SV2C: variants seen among roughly 807,000 people sequenced by gnomAD.
SV2C encodes synaptic vesicle glycoprotein 2C, also known as solute carrier family 22 member B3.
A neutral mutation model predicts 79.7 loss-of-function variants in SV2C; 49 were observed. The ratio of observed to expected loss-of-function variants is 0.61; its 90% CI spans 0.49 to 0.78. The LOEUF (loss-of-function observed/expected upper bound fraction) is 0.78. Ranked by LOEUF, SV2C falls within the 30% of genes least tolerant of loss-of-function variation. The pLI, the probability that SV2C is intolerant of heterozygous loss-of-function variation, is 0.00. For missense variants in SV2C, 833 were observed against 912.9 expected, an observed-to-expected ratio of 0.91 and a Z score of 1.13; for synonymous variants, 334 against 333.2, an observed-to-expected ratio of 1.00 and a Z score of -0.03.
intron 12 of SV2C, among the ~76,000 whole-genome samples, chr5:76,306,142 C>T (rs193106805): frequency 6.4e-4 from 97 of 152,274 alleles, no homozygotes; most frequent in African/African-American, 1.9e-3. Flanking sequence ...CAAACTCCTG[C>T]GCTCAAGTGA....
chr5:75,953,289 G>T, the SV2C span, among the ~76,000 whole-genome samples: 1 of 151,898 alleles, frequency 6.6e-6, no homozygotes, highest in Admixed American at 6.6e-5. Flanking sequence ...CTGCTTCCAT[G>T]ACCAAATACC....
intron 1 of SV2C, among the ~76,000 whole-genome samples, chr5:76,092,038 A>C (rs943356313): frequency 1.3e-5 from 2 of 152,200 alleles, no homozygotes; most frequent in Non-Finnish European, 2.9e-5. Context: ...AGATGTTGTT[A>C]GTTAAAAATA....
At chr5:76,198,804 A>G (rs2112335219) in intron 3 of SV2C, among the ~76,000 whole-genome samples, 1 of 152,158 alleles carries the variant, frequency 6.6e-6, no homozygotes, top group Admixed American at 6.5e-5. Flanking sequence ...TTTTTCTCCA[A>G]TTCCATTCCA....
chr5:76,074,772 A>C, the SV2C span, among the ~76,000 whole-genome samples: 88,644 of 152,082 alleles, frequency 0.58, 27,900 homozygotes, highest in African/African-American at 0.83. Flanking sequence ...TTGTTAAGAT[A>C]CTGAAGCCAT....
chr5:75,999,442 G>A, the SV2C span, among the ~76,000 whole-genome samples: 1 of 149,486 alleles, frequency 6.7e-6, no homozygotes. Context: ...CCACAGTTAT[G>A]GACACTGAGA....
intron 1 of SV2C, among the ~76,000 whole-genome samples, chr5:76,127,363 C>T (rs1748740661): frequency 1.3e-5 from 2 of 152,164 alleles, no homozygotes; most frequent in Non-Finnish European, 2.9e-5. Flanking sequence ...CAGAATAATG[C>T]CCGTGTGTAT....
chr5:75,971,222 T>C, the SV2C span, among the ~76,000 whole-genome samples: 1 of 152,122 alleles, frequency 6.6e-6, no homozygotes, highest in Non-Finnish European at 1.5e-5. Context: ...AATATCATAC[T>C]GAATGGACAA....
the SV2C span, among the ~76,000 whole-genome samples, chr5:76,034,094 A>AT: frequency 6.6e-6 from 1 of 151,864 alleles, no homozygotes; most frequent in Non-Finnish European, 1.5e-5. Context: ...TTGTACATTG[A>AT]TTTTGTATCC....
intron 2 of SV2C, among the ~76,000 whole-genome samples, chr5:76,167,550 C>T (rs1743080541): frequency 6.6e-6 from 1 of 152,216 alleles, no homozygotes; most frequent in Non-Finnish European, 1.5e-5. Context: ...ATAGGTTTTA[C>T]TGTGTGCCAG....
rs1473891021 is a variant in SV2C at position 76,195,054 on chromosome 5, A to T, written c.716A>T (p.Gln239Leu). Residue 239 changes from glutamine (Q) to leucine (L), a missense_variant, in exon 3 of 13, where the codon CAA becomes CTA. Physicochemically the swap from Gln to Leu is moderately radical, Grantham distance 113 (BLOSUM62 -2). Transcript: ENST00000502798. ...GFFAFLSSFVQGYGFFLFCRL... is the reference protein window; with the variant it reads ...GFFAFLSSFVLGYGFFLFCRL... Reference sequence around the variant, plus strand: ...TTTGCCTTCCTTTCTTCATTTGTCCAAGGTTATGGCTTCTTTCTCTTCTGT... The same window carrying T: ...TTTGCCTTCCTTTCTTCATTTGTCCTAGGTTATGGCTTCTTTCTCTTCTGT... 1 of 1,614,084 alleles carries T rather than the reference A, an allele frequency of 6.2e-7. No homozygotes were observed. The highest frequency in any genetic ancestry group is 8.5e-7 in the Non-Finnish European group (1 of 1,179,952).
chr5:76,089,768 T>C (rs1747310738), intron 1 of SV2C, among the ~76,000 whole-genome samples: 1 of 152,242 alleles, frequency 6.6e-6, no homozygotes, highest in South Asian at 2.1e-4. Flanking sequence ...TTTGCATTTC[T>C]CTAATGATCA....
chr5:75,989,707 A>G, the SV2C span, among the ~76,000 whole-genome samples: 2 of 152,080 alleles, frequency 1.3e-5, no homozygotes, highest in East Asian at 3.9e-4. Context: ...AGAAATTGCC[A>G]CACTGTCTTC....
rs138218550 is a variant in SV2C, at chr5:76,301,061, G to A, written c.1840+129G>A. 1.5e-3 allele frequency: 1,534 copies of A among 1,035,408 alleles called. 15 individuals carry two copies. The African/African-American group carries it at 0.017, about 11-fold the overall frequency. The allele number at this position is 1,035,408 out of a possible 1,614,324, so 64.1% of individuals were successfully genotyped here. A position where few individuals can be genotyped will look rare whatever the true frequency, so the allele number is the denominator to read the frequency against. ...GAGAAATCCTTTAGACCTTACGTTG[G>A]GACTAAATTATAGTGAAAATTATGT... On this transcript the variant is annotated intron_variant, in intron 11 of 12. Transcript: ENST00000502798.
chr5:76,048,842 G>C, the SV2C span, among the ~76,000 whole-genome samples: 1 of 145,998 alleles, frequency 6.8e-6, no homozygotes, highest in South Asian at 2.3e-4. Flanking sequence ...GGGCTGTTTA[G>C]GTGAAAGAAA....
At chr5:76,054,786 T>C in the SV2C span, among the ~76,000 whole-genome samples, 114 of 152,356 alleles carry the variant, frequency 7.5e-4, no homozygotes, top group Middle Eastern at 6.8e-3. Context: ...GCTGCATAAA[T>C]GTCTTCTTTT....
the SV2C span, among the ~76,000 whole-genome samples, chr5:76,009,382 C>A: frequency 5.9e-4 from 90 of 152,276 alleles, no homozygotes; most frequent in Non-Finnish European, 9.1e-4. Flanking sequence ...AACAGAATTA[C>A]CATTTGACCC....
chr5:75,978,157 C>A, the SV2C span, among the ~76,000 whole-genome samples: 1 of 152,198 alleles, frequency 6.6e-6, no homozygotes, highest in African/African-American at 2.4e-5. Context: ...AGAGTCAATT[C>A]TCAGTCCTGT....
chr5:76,215,744 C>T (rs1382413381), intron 4 of SV2C, among the ~76,000 whole-genome samples: 17 of 152,214 alleles, frequency 1.1e-4, no homozygotes, highest in Admixed American at 1.1e-3. Flanking sequence ...AATAAAGTGA[C>T]TCAGAGCCAG....
intron 4 of SV2C, among the ~76,000 whole-genome samples, chr5:76,249,313 A>G (rs1478672247): frequency 6.6e-6 from 1 of 152,166 alleles, no homozygotes; most frequent in Non-Finnish European, 1.5e-5. Context: ...TTTACTCTAG[A>G]GCCCATTGTT....
Sources: gnomAD v4.1 joint callset for allele counts (sites outside exome capture counted in the v4.1 genomes callset) on GRCh38, gnomAD v4.1.1 for gene constraint, MANE v1.5 for transcripts, NCBI Gene and HGNC (gene_info 2026-07-23, HGNC 2026-07-21) for gene names.